PPP1R15B: variants seen among roughly 807,000 people sequenced by gnomAD.
PPP1R15B encodes protein phosphatase 1, regulatory (inhibitor) subunit 15B.
In PPP1R15B, 31 loss-of-function variants were observed where a neutral mutation model predicts 53.9. The observed-to-expected ratio is 0.58, with a 90% CI of 0.43 to 0.78. The LOEUF is 0.78. Among genes scored for constraint, PPP1R15B ranks in the 30% least tolerant of loss-of-function variants. The probability of loss-of-function intolerance (pLI) is 0.00; values close to 1 mark genes in which losing one functional copy is unlikely to be tolerated. For synonymous variants in PPP1R15B, 345 were observed against 329.1 expected, an observed-to-expected ratio of 1.05 and a Z score of -0.52; for missense variants, 928 against 849.6, an observed-to-expected ratio of 1.09 and a Z score of -1.15.
chr1:204,406,366 T>C (rs1193993055), intron 1 of PPP1R15B, 53 bp from the exon 2 acceptor site: 26 of 1,591,718 alleles, frequency 1.6e-5, no homozygotes, highest in South Asian at 1.2e-4. Context: ...ACAATCAGCA[T>C]TGAGGTCAAT....
At chr1:204,409,053 T>C (rs904870545) in intron 1 of PPP1R15B, among the ~76,000 whole-genome samples, 3 of 152,222 alleles carry the variant, frequency 2.0e-5, no homozygotes, top group East Asian at 1.9e-4. Context: ...ACTCTTGTTA[T>C]ATGCAAAAAA....
At position 204,405,171 on chromosome 1, in the gene PPP1R15B, A is replaced by C; in HGVS notation, c.*921T>G. 5 of 985,766 alleles carry C rather than the reference A, an allele frequency of 5.1e-6. No individual in the cohort carries two copies. The highest frequency in any genetic ancestry group is 4.8e-6 in the Non-Finnish European group (4 of 829,816). 61.1% of individuals were successfully genotyped at this position (985,766 alleles called of 1,614,324 possible). ...TGTTGAGAACATATACACCAAAACC[A>C]AATTGCTCTGAGATGTCTCCTATTT... On this transcript the variant is annotated 3_prime_UTR_variant, in exon 2 of 2. Coordinates refer to ENST00000367188, the MANE Select transcript of PPP1R15B (RefSeq NM_032833.5).
At chr1:204,396,433 G>T (rs1674101809), downstream of PPP1R15B, among the ~76,000 whole-genome samples, 1 of 150,418 alleles carries the variant, frequency 6.6e-6, no homozygotes, top group Non-Finnish European at 1.5e-5. Flanking sequence ...CACAGCTGTA[G>T]TCCCAGCTAC....
rs2103443580 is a variant in PPP1R15B at position 204,405,288 on chromosome 1, C to A, written c.*804G>T. The A allele has an allele frequency of 1.0e-6, 1 of 978,486 alleles. No individual in the cohort carries two copies. Among genetic ancestry groups the A allele is most frequent in the East Asian group, 1.1e-4 (1 of 8,778 alleles). 60.6% of individuals were successfully genotyped at this position (978,486 alleles called of 1,614,324 possible). ...CCAGAGTGTTTTGCAATAACTTCAA[C>A]CTGTTAAGAGATACAAAGAACTATA... On this transcript the variant is annotated 3_prime_UTR_variant, in exon 2 of 2. Transcript: ENST00000367188.
At position 204,410,133 on chromosome 1, in the gene PPP1R15B, C is replaced by G. The variant is rs1293351082; in HGVS notation, c.1279G>C (p.Asp427His). ...ARPACSNKLIDYILGGASSDL... is the reference protein window; with the variant it reads ...ARPACSNKLIHYILGGASSDL... ...CTGGATGCACCTCCCAAAATATAAT[C>G]TATCAGTTTGTTACTACAAGCTGGT... The change falls in exon 1 of 2, where the codon GAT becomes CAT. Residue 427 changes from aspartate (D) to histidine (H), a missense_variant. Physicochemically the swap from Asp to His is moderately conservative, Grantham distance 81. Transcript: ENST00000367188. The G allele has an allele frequency of 1.9e-6, 3 of 1,614,038 alleles. No homozygotes were observed. Among genetic ancestry groups the G allele is most frequent in the Non-Finnish European group, 2.5e-6 (3 of 1,180,032 alleles).
At chr1:204,398,127 G>A (rs937040226), downstream of PPP1R15B, among the ~76,000 whole-genome samples, 9 of 152,136 alleles carry the variant, frequency 5.9e-5, no homozygotes, top group Admixed American at 5.9e-4. Context: ...CACCACAGAG[G>A]AAGAAAGGAA....
chr1:204,403,639 G>A lies in PPP1R15B; in HGVS notation c.*2453C>T. 1 of 985,232 alleles carries A rather than the reference G, an allele frequency of 1.0e-6. No individual in the cohort carries two copies. 61.0% of individuals were successfully genotyped at this position (985,232 alleles called of 1,614,324 possible). A position where few individuals can be genotyped will look rare whatever the true frequency, so the allele number is the denominator to read the frequency against. On this transcript the variant is annotated 3_prime_UTR_variant, in exon 2 of 2. Coordinates refer to ENST00000367188, the MANE Select transcript of PPP1R15B (RefSeq NM_032833.5). Reference sequence around the variant, plus strand: ...TCAGAAATGGAACTTTTACCTGTCTGTACAAAGCCTTTTACATGCTACATT... The same window carrying A: ...TCAGAAATGGAACTTTTACCTGTCTATACAAAGCCTTTTACATGCTACATT...
rs768422659 is a variant in PPP1R15B at position 204,410,723 on chromosome 1, C to T, written c.689G>A (p.Cys230Tyr). The T allele has an allele frequency of 5.6e-6, 9 of 1,614,036 alleles. No homozygotes were observed. The highest frequency in any genetic ancestry group is 5.3e-5 in the African/African-American group (4 of 74,926). ...ATAGCTGACTTCTAGCCTAGGAAAG[C>T]AGTCCAGGTAGGAAGGGTTCAGCAA... ...SYLLNPSYLD[C>Y]FPRLEVSYQN... The change falls in exon 1 of 2, where the codon TGC becomes TAC. Residue 230 changes from cysteine (C) to tyrosine (Y), a missense_variant. Cys to Tyr is a radical substitution (Grantham distance 194). Coordinates refer to ENST00000367188, the MANE Select transcript of PPP1R15B (RefSeq NM_032833.5).
Position 204,410,498 on chromosome 1 carries a change from TGAAG to T in PPP1R15B, c.910_913del (p.Leu304AsnfsTer61). ...TAAATCTTGCCCCTTGCTAGCCTGT[TGAAG>T]GAATTCCAGCCGTTTCATGCGAAGA... On this transcript the variant is annotated frameshift_variant, in exon 1 of 2. Coordinates refer to ENST00000367188, the MANE Select transcript of PPP1R15B (RefSeq NM_032833.5). LOFTEE classifies it high-confidence loss of function. 6.2e-7 allele frequency: 1 copy of T among 1,614,172 alleles called. No homozygotes were observed. The highest frequency in any genetic ancestry group is 8.5e-7 in the Non-Finnish European group (1 of 1,180,028).
In PPP1R15B at chr1:204,404,205, G is replaced by C. The variant is rs1674224525; in HGVS notation, c.*1887C>G. ...AATGTGCTCCCTATGATTACCTAAAGTGGAGGTGCACAAAACACACAGAAT... is the reference window on the plus strand; with the variant it reads ...AATGTGCTCCCTATGATTACCTAAACTGGAGGTGCACAAAACACACAGAAT... On this transcript the variant is annotated 3_prime_UTR_variant, in exon 2 of 2. Transcript: ENST00000367188. 2 of 985,212 alleles carry C rather than the reference G, an allele frequency of 2.0e-6. No homozygotes were observed. The highest frequency in any genetic ancestry group is 3.5e-5 in the African/African-American group (2 of 57,206). The allele number at this position is 985,212 out of a possible 1,614,324, so 61.0% of individuals were successfully genotyped here.
Position 204,411,735 on chromosome 1 carries a change from C to CA in PPP1R15B, c.-325dup. Reference sequence around the variant, plus strand: ...GCCTCGGCGATGGTTTTCCGACTGACAGAGGGTTGAAAAGCCCCTGAGCAA... The same window carrying CA: ...GCCTCGGCGATGGTTTTCCGACTGACAAGAGGGTTGAAAAGCCCCTGAGCAA... On this transcript the variant is annotated 5_prime_UTR_variant, in exon 1 of 2. Transcript: ENST00000367188. 1 of 420,534 alleles carries CA rather than the reference C, an allele frequency of 2.4e-6. No individual in the cohort carries two copies. Among genetic ancestry groups the CA allele is most frequent in the Non-Finnish European group, 4.3e-6 (1 of 231,492 alleles). 26.1% of individuals were successfully genotyped at this position (420,534 alleles called of 1,614,324 possible).
In PPP1R15B at chr1:204,409,362, C is replaced by T; in HGVS notation, c.1920+130G>A. 1.2e-5 allele frequency: 12 copies of T among 990,368 alleles called. No individual in the cohort carries two copies. The South Asian group carries it at 1.7e-4, about 14-fold the overall frequency. The allele number at this position is 990,368 out of a possible 1,614,324, so 61.3% of individuals were successfully genotyped here. On this transcript the variant is annotated intron_variant, in intron 1 of 1. Transcript: ENST00000367188. ...AAGGGTCATTTACATATTTCTCAAT[C>T]CAAGTATATGAATTTAGAGGCCTTC...
chr1:204,409,602 A>C lies in PPP1R15B; in HGVS notation c.1810T>G (p.Leu604Val), dbSNP rs1674324106. The C allele has an allele frequency of 3.7e-6, 6 of 1,614,218 alleles. No individual in the cohort carries two copies. In the Middle Eastern group the frequency reaches 4.9e-4, roughly 133 times the overall value. The change falls in exon 1 of 2, where the codon TTA becomes GTA. Residue 604 changes from leucine to valine, a missense_variant. Physicochemically the swap from Leu to Val is conservative, Grantham distance 32. Coordinates refer to ENST00000367188, the MANE Select transcript of PPP1R15B (RefSeq NM_032833.5). ...AACAGCTGCACCTTACAAGAAAGTA[A>C]GGTGTGACACTCAGAAATGGCCACA... is the stretch of plus-strand genomic sequence containing the variant. ...SIVAISECHT[L>V]LSCKVQLLGS...
rs994182371 is a variant in PPP1R15B, at chr1:204,403,795, G to C, written c.*2297C>G. 4.1e-6 allele frequency: 4 copies of C among 985,580 alleles called. No homozygotes were observed. The Admixed American group carries it at 1.8e-4, about 45-fold the overall frequency. The allele number at this position is 985,580 out of a possible 1,614,324, so 61.1% of individuals were successfully genotyped here. A position where few individuals can be genotyped will look rare whatever the true frequency, so the allele number is the denominator to read the frequency against. ...AGAATTGGGATGAAACAAGAATTTT[G>C]CTTTTTTCTCCTTCAGTCCAACTTT... On this transcript the variant is annotated 3_prime_UTR_variant, in exon 2 of 2. Coordinates refer to ENST00000367188, the MANE Select transcript of PPP1R15B (RefSeq NM_032833.5).
At chr1:204,400,251 A>G (rs1373844037), downstream of PPP1R15B, among the ~76,000 whole-genome samples, 1 of 151,112 alleles carries the variant, frequency 6.6e-6, no homozygotes. Flanking sequence ...AAAAAAAAAA[A>G]AGAAAAGAAG....
chr1:204,403,713 T>G lies in PPP1R15B; in HGVS notation c.*2379A>C, dbSNP rs1674216884. 2.0e-6 allele frequency: 2 copies of G among 984,956 alleles called. No homozygotes were observed. Among genetic ancestry groups the G allele is most frequent in the Non-Finnish European group, 2.4e-6 (2 of 829,186 alleles). The allele number at this position is 984,956 out of a possible 1,614,324, so 61.0% of individuals were successfully genotyped here. On this transcript the variant is annotated 3_prime_UTR_variant, in exon 2 of 2. Coordinates refer to ENST00000367188, the MANE Select transcript of PPP1R15B (RefSeq NM_032833.5). ...GACTTTAAATGTATAAAATGTTTAA[T>G]TAAAACCTCCAAAGATTTTCTCTTT...
downstream of PPP1R15B, among the ~76,000 whole-genome samples, chr1:204,398,717 G>C (rs996158810): frequency 1.3e-5 from 2 of 152,108 alleles, no homozygotes; most frequent in Non-Finnish European, 2.9e-5. Flanking sequence ...CTCCCAGATG[G>C]AAGATAACGC....
In PPP1R15B at chr1:204,411,564, G is replaced by T; in HGVS notation, c.-153C>A. 9.6e-7 allele frequency: 1 copy of T among 1,043,360 alleles called. No individual in the cohort carries two copies. Among genetic ancestry groups the T allele is most frequent in the Non-Finnish European group, 1.4e-6 (1 of 723,802 alleles). The allele number at this position is 1,043,360 out of a possible 1,614,324, so 64.6% of individuals were successfully genotyped here. ...TCGAGCCAGCAGAAAAGCCACAGAG[G>T]GCAGCGAATGCGGCAGCGGGCGGCA... is the stretch of plus-strand genomic sequence containing the variant. On this transcript the variant is annotated 5_prime_UTR_variant, in exon 1 of 2. Coordinates refer to ENST00000367188, the MANE Select transcript of PPP1R15B (RefSeq NM_032833.5).
At chr1:204,397,896 CA>C (rs34817063), downstream of PPP1R15B, among the ~76,000 whole-genome samples, 56 of 138,920 alleles carry the variant, frequency 4.0e-4, no homozygotes, top group South Asian at 2.2e-3. Context: ...GCTAGCTTTT[CA>C]AAAAAAAAAA....
Sources: allele counts gnomAD v4.1 joint callset (sites outside exome capture counted in the v4.1 genomes callset), GRCh38; gene constraint gnomAD v4.1.1; transcripts MANE v1.5; gene names NCBI Gene and HGNC (gene_info 2026-07-23, HGNC 2026-07-21).